Variants in ANKRD26 observed in about 807,000 individuals in gnomAD.
ANKRD26 encodes the protein ankyrin repeat domain-containing protein 26.
A neutral mutation model predicts 208.7 loss-of-function variants in ANKRD26; 141 were observed. That is an observed-to-expected ratio of 0.68 (90% CI 0.59 to 0.78). The LOEUF is 0.78. ANKRD26 is among the 30% of genes least tolerant of loss of function. The pLI is 0.00. For missense variants in ANKRD26, 1,889 were observed against 1,938.7 expected (o/e 0.97, Z 0.48); for synonymous variants, 636 against 660.4 (o/e 0.96, Z 0.57).
intron 9 of ANKRD26, among the ~76,000 whole-genome samples, chr10:27,074,624 T>G (rs1396831306): frequency 6.6e-6 from 1 of 151,920 alleles, no homozygotes; most frequent in African/African-American, 2.4e-5. Flanking sequence ...GAGGTTGCAG[T>G]GAGCTGAGAT....
chr10:27,046,277 C>T (rs1037133975), intron 18 of ANKRD26, 76 bp downstream of exon 18: 1 of 1,390,582 alleles, frequency 7.2e-7, no homozygotes, highest in African/African-American at 1.4e-5. Flanking sequence ...CTTTGGGAGA[C>T]TACATCATTC....
chr10:27,043,679 A>G (rs1339872377), intron 19 of ANKRD26, 112 bp from the exon 20 acceptor site: 1 of 1,108,202 alleles, frequency 9.0e-7, no homozygotes, highest in African/African-American at 1.6e-5. Flanking sequence ...TTTCTTAAAA[A>G]GAACTGATTT....
chr10:27,064,046 A>G lies in ANKRD26; in HGVS notation c.1305T>C (p.Asp435=). 6.2e-7 allele frequency: 1 copy of G among 1,611,628 alleles called. No individual in the cohort carries two copies. Among genetic ancestry groups the G allele is most frequent in the Non-Finnish European group, 8.5e-7 (1 of 1,179,624 alleles). ...ISENFPQKYV[D]PLAGAADGKE... is the part of the protein sequence containing the mutation. ...TTCCGTCTGCAGCCCCAGCTAAAGG[A>G]TCAACATACTTCTGTGGAAAATTCT... is the stretch of plus-strand genomic sequence containing the variant. Residue 435 remains aspartate, a synonymous_variant, in exon 12 of 34, where the codon GAT becomes GAC. Transcript: ENST00000376087.
chr10:27,018,561 T>C (rs2134985244), intron 29 of ANKRD26, among the ~76,000 whole-genome samples: 1 of 152,322 alleles, frequency 6.6e-6, no homozygotes, highest in East Asian at 1.9e-4. Flanking sequence ...TCTTGTAATA[T>C]AGATTCTAAT....
chr10:26,975,959 C>T (rs2052220912), exon 6 of ANKRD26, among the ~76,000 whole-genome samples: 1 of 152,082 alleles, frequency 6.6e-6, no homozygotes. Flanking sequence ...TGCTTTATCA[C>T]TCTTACCTCC....
At position 27,086,539 on chromosome 10, in the gene ANKRD26, C is replaced by G. The variant is rs760386099; in HGVS notation, c.709G>C (p.Val237Leu). The G allele has an allele frequency of 1.2e-6, 2 of 1,605,444 alleles. No homozygotes were observed. The highest frequency in any genetic ancestry group is 2.2e-5 in the East Asian group (1 of 44,526). Reference sequence around the variant, plus strand: ...AGAAATTCACTATTGGAAGTCTTACCTGAATTACTATTTTGAGAAGAATGT... The same window carrying G: ...AGAAATTCACTATTGGAAGTCTTACGTGAATTACTATTTTGAGAAGAATGT... ...PKHSSQNSNS[V>L]DESSEDSLSR... The change falls in exon 5 of 34, where the codon GTG (valine) becomes CTG (leucine). Residue 237 changes from valine to leucine, a missense_variant and splice_region_variant. Coordinates refer to ENST00000376087, the MANE Select transcript of ANKRD26 (RefSeq NM_014915.3).
rs2055749966 is a variant in ANKRD26 at position 27,077,670 on chromosome 10, T to C, written c.837A>G (p.Ala279=). The stretch of plus-strand genomic sequence containing the variant: ...ATTGCTGAGAAGCAGTCATTAGCTT[T>C]GCTAAGCTTGGTTTTGGGACATTCT... ...DTKNVPKPSL[A]KLMTASQQSR... The change falls in exon 8 of 34, where the codon GCA becomes GCG. Residue 279 remains alanine (A), a synonymous_variant. Coordinates refer to ENST00000376087, the MANE Select transcript of ANKRD26 (RefSeq NM_014915.3). The C allele has an allele frequency of 1.2e-6, 2 of 1,613,098 alleles. No individual in the cohort carries two copies. The highest frequency in any genetic ancestry group is 1.7e-6 in the Non-Finnish European group (2 of 1,179,898).
At position 27,043,565 on chromosome 10, in the gene ANKRD26, G is replaced by A; in HGVS notation, c.2022C>T (p.Val674=). The A allele has an allele frequency of 6.2e-7, 1 of 1,612,756 alleles. No individual in the cohort carries two copies. The highest frequency in any genetic ancestry group is 8.5e-7 in the Non-Finnish European group (1 of 1,179,018). Residue 674 remains valine (V), a splice_region_variant and synonymous_variant, in exon 20 of 34, where the codon GTC becomes GTT. Transcript: ENST00000376087. ...CATCCATAGACTGTATTTGGTTTTT[G>A]ACCTATGAAATAAATAACACTGTTT... The part of the protein sequence containing the change: ...TKKTSNEKNK[V]KNQIQSMDDV...
chr10:26,964,534 A>C, the ANKRD26 span, among the ~76,000 whole-genome samples: 1 of 152,332 alleles, frequency 6.6e-6, no homozygotes, highest in Non-Finnish European at 1.5e-5. Flanking sequence ...ACCAAGCAAC[A>C]AATAGCAAAC....
chr10:26,971,786 G>A (rs1030495444), downstream of ANKRD26, among the ~76,000 whole-genome samples: 1 of 151,558 alleles, frequency 6.6e-6, no homozygotes, highest in African/African-American at 2.4e-5. Flanking sequence ...CCTTTCAATA[G>A]AAGCAGCTCT....
At chr10:27,095,727 C>G (rs11015523) in intron 1 of ANKRD26, among the ~76,000 whole-genome samples, 1 of 152,148 alleles carries the variant, frequency 6.6e-6, no homozygotes, top group Admixed American at 6.6e-5. Context: ...CCCTAATAGT[C>G]TAATTTTAAA....
the ANKRD26 span, among the ~76,000 whole-genome samples, chr10:26,949,099 T>C: frequency 6.6e-6 from 1 of 152,196 alleles, no homozygotes; most frequent in Non-Finnish European, 1.5e-5. Flanking sequence ...GAGTTTTTTA[T>C]TCTATTATAG....
downstream of ANKRD26, among the ~76,000 whole-genome samples, chr10:26,989,910 G>A (rs2052455792): frequency 6.6e-6 from 1 of 152,034 alleles, no homozygotes; most frequent in Admixed American, 6.6e-5. Flanking sequence ...TGGAGGTGAA[G>A]GAAGCACCAA....
At chr10:27,029,234 T>A in intron 26 of ANKRD26, 52 bp downstream of exon 26, 1 of 1,542,462 alleles carries the variant, frequency 6.5e-7, no homozygotes, top group South Asian at 1.2e-5. Flanking sequence ...ACTACACTGC[T>A]TATTTGCTCT....
intron 25 of ANKRD26, among the ~76,000 whole-genome samples, chr10:27,029,990 T>C (rs1488775023): frequency 1.3e-5 from 2 of 152,228 alleles, no homozygotes; most frequent in East Asian, 1.9e-4. Context: ...ACAGTAATAC[T>C]ATTACTTCAC....
intron 9 of ANKRD26, among the ~76,000 whole-genome samples, chr10:27,067,742 C>T (rs929953404): frequency 2.6e-5 from 4 of 152,172 alleles, no homozygotes; most frequent in African/African-American, 9.7e-5. Context: ...ATCCAATCAA[C>T]TCCCACCAGG....
At chr10:26,954,261 G>A in the ANKRD26 span, among the ~76,000 whole-genome samples, 1 of 152,146 alleles carries the variant, frequency 6.6e-6, no homozygotes, top group African/African-American at 2.4e-5. Context: ...TTAAGCCTGG[G>A]TGGAATAAAT....
Position 27,060,272 on chromosome 10 carries a change from T to C in ANKRD26, c.1564+73A>G, listed in dbSNP as rs7083739. 0.065 allele frequency: 85,260 copies of C among 1,319,600 alleles called. 3,161 individuals carry two copies. Among genetic ancestry groups the C allele is most frequent in the African/African-American group, 0.15 (10,132 of 68,506 alleles). 81.7% of individuals were successfully genotyped at this position (1,319,600 alleles called of 1,614,324 possible). On this transcript the variant is annotated intron_variant, in intron 15 of 33. Coordinates refer to ENST00000376087, the MANE Select transcript of ANKRD26 (RefSeq NM_014915.3). Reference sequence around the variant, plus strand: ...AAAAAAGAATTAGGAATAAGAAAACTGTGAGCATTTCAAATATTTCAAAAA... The same window carrying C: ...AAAAAAGAATTAGGAATAAGAAAACCGTGAGCATTTCAAATATTTCAAAAA...
chr10:26,976,522 G>A (rs1482760242), intron 5 of ANKRD26, among the ~76,000 whole-genome samples: 1 of 152,040 alleles, frequency 6.6e-6, no homozygotes, highest in East Asian at 1.9e-4. Context: ...ACCATATCTT[G>A]TATGTTTCCA....
Sources: allele counts gnomAD v4.1 joint callset (sites outside exome capture counted in the v4.1 genomes callset), GRCh38; gene constraint gnomAD v4.1.1; transcripts MANE v1.5; gene names NCBI Gene and HGNC (gene_info 2026-07-23, HGNC 2026-07-21).